The following MACC1 variants were observed in gnomAD, a reference collection of about 807,000 sequenced individuals.
The protein encoded by MACC1 is MET transcriptional regulator MACC1, also known as metastasis-associated in colon cancer protein 1.
A neutral mutation model predicts 70.7 loss-of-function variants in MACC1; 79 were observed. The observed-to-expected ratio is 1.12, with a 90% confidence interval of 0.93 to 1.35. The LOEUF is 1.35. Ranked by LOEUF, MACC1 falls within the 40% of genes most tolerant of loss-of-function variation. The probability of loss-of-function intolerance (pLI) is 0.00; values close to 1 mark genes in which losing one functional copy is unlikely to be tolerated. For missense variants in MACC1, 1,106 were observed against 978.1 expected (o/e 1.13, Z -1.74); for synonymous variants, 361 against 347.2 (o/e 1.04, Z -0.44).
intron 1 of MACC1, among the ~76,000 whole-genome samples, chr7:20,188,738 G>A (rs547897155): frequency 3.9e-5 from 6 of 152,154 alleles, no homozygotes; most frequent in African/African-American, 1.4e-4. Context: ...ACATTCTATT[G>A]CCAAAGTCAC....
chr7:20,172,837 C>T (rs1782329651), intron 1 of MACC1, among the ~76,000 whole-genome samples: 1 of 152,194 alleles, frequency 6.6e-6, no homozygotes, highest in South Asian at 2.1e-4. Flanking sequence ...AGCCTATCTC[C>T]TTGCTGAGAG....
At chr7:20,160,412 T>C (rs1205017851) in intron 4 of MACC1, among the ~76,000 whole-genome samples, 167 bp from the exon 5 acceptor site, 1 of 152,126 alleles carries the variant, frequency 6.6e-6, no homozygotes, top group African/African-American at 2.4e-5. Context: ...TTTGCTCAAA[T>C]TTATATGTAA....
At chr7:20,183,839 C>G (rs933182175) in intron 1 of MACC1, among the ~76,000 whole-genome samples, 19 of 151,744 alleles carry the variant, frequency 1.3e-4, no homozygotes, top group African/African-American at 3.6e-4. Context: ...TCCCAAGTAA[C>G]TGGGATCACA....
chr7:20,187,883 T>C (rs1471720629), intron 1 of MACC1, among the ~76,000 whole-genome samples: 1 of 152,182 alleles, frequency 6.6e-6, no homozygotes, highest in South Asian at 2.1e-4. Flanking sequence ...TCAGAGAGAA[T>C]GAATTAGTCC....
intron 1 of MACC1, among the ~76,000 whole-genome samples, chr7:20,186,910 A>G (rs1782597077): frequency 6.6e-6 from 1 of 152,216 alleles, no homozygotes; most frequent in Admixed American, 6.5e-5. Flanking sequence ...AGAGTATAGT[A>G]AGAAGAAATA....
chr7:20,179,932 G>A (rs1337367658), intron 1 of MACC1, among the ~76,000 whole-genome samples: 5 of 152,188 alleles, frequency 3.3e-5, no homozygotes, highest in Admixed American at 6.5e-5. Context: ...TCTGCTCTAT[G>A]AATTGTCAAC....
At chr7:20,179,024 CTT>C (rs1212811793) in intron 1 of MACC1, among the ~76,000 whole-genome samples, 22 of 152,134 alleles carry the variant, frequency 1.4e-4, no homozygotes, top group Non-Finnish European at 2.6e-4. Context: ...AATGAATACT[CTT>C]TTCTTCAGAT....
In MACC1 at chr7:20,135,706, G is replaced by C. The variant is rs1224542903; in HGVS notation, c.*5240C>G. 1.3e-5 allele frequency: 2 copies of C among 152,206 alleles called. No homozygotes were observed. Among genetic ancestry groups the C allele is most frequent in the Non-Finnish European group, 2.9e-5 (2 of 68,058 alleles). 9.4% of individuals were successfully genotyped at this position (152,206 alleles called of 1,614,324 possible). ...CTGCCGTAATGATTGCCTGGTCTAAGGCCTTGACAATGAGACTGGAGCATG... is the reference window on the plus strand; with the variant it reads ...CTGCCGTAATGATTGCCTGGTCTAACGCCTTGACAATGAGACTGGAGCATG... On this transcript the variant is annotated 3_prime_UTR_variant, in exon 7 of 7. Transcript: ENST00000400331.
intron 3 of MACC1, among the ~76,000 whole-genome samples, chr7:20,163,311 T>C (rs988662436): frequency 5.3e-5 from 8 of 152,210 alleles, no homozygotes; most frequent in African/African-American, 1.9e-4. Context: ...GGAAAGCCTA[T>C]ATACTTGTTG....
rs1427362202 is a variant in MACC1 at position 20,138,858 on chromosome 7, G to C, written c.*2088C>G. On this transcript the variant is annotated 3_prime_UTR_variant, in exon 7 of 7. Transcript: ENST00000400331. ...CGGCTAATTTTTTGTATTTTTAGTA[G>C]AGACGGGGTTTCACCGCGTTAGCCA... The C allele has an allele frequency of 1.3e-5, 2 of 152,116 alleles. No individual in the cohort carries two copies. The highest frequency in any genetic ancestry group is 1.9e-4 in the East Asian group (1 of 5,184). The allele number at this position is 152,116 out of a possible 1,614,324, so 9.4% of individuals were successfully genotyped here.
At chr7:20,185,524 A>G (rs1233958259) in intron 1 of MACC1, among the ~76,000 whole-genome samples, 1 of 152,150 alleles carries the variant, frequency 6.6e-6, no homozygotes, top group East Asian at 1.9e-4. Flanking sequence ...TAATTTATAA[A>G]GAAATATGAA....
chr7:20,208,620 A>G (rs1267057077), intron 1 of MACC1, among the ~76,000 whole-genome samples: 7 of 152,226 alleles, frequency 4.6e-5, no homozygotes, highest in Admixed American at 4.6e-4. Context: ...CAACGCATAA[A>G]AGTTTGGAAA....
At chr7:20,177,288 T>C (rs923941079) in intron 1 of MACC1, among the ~76,000 whole-genome samples, 2 of 152,182 alleles carry the variant, frequency 1.3e-5, no homozygotes, top group African/African-American at 4.8e-5. Flanking sequence ...TCTCTTTGTA[T>C]CTAATTATAT....
At chr7:20,154,016 T>C (rs1296724374) in intron 6 of MACC1, among the ~76,000 whole-genome samples, 177 bp downstream of exon 6, 1 of 152,176 alleles carries the variant, frequency 6.6e-6, no homozygotes, top group African/African-American at 2.4e-5. Context: ...CAATGCCTTT[T>C]AAGAGTGTGT....
At chr7:20,190,584 C>T (rs1192543460) in intron 1 of MACC1, among the ~76,000 whole-genome samples, 1 of 152,174 alleles carries the variant, frequency 6.6e-6, no homozygotes. Context: ...GTTCCCACAG[C>T]CTGCAGAGAT....
intron 1 of MACC1, among the ~76,000 whole-genome samples, chr7:20,199,849 A>G (rs1400611817): frequency 6.6e-6 from 1 of 152,214 alleles, no homozygotes. Flanking sequence ...ATAAATTTAA[A>G]CAATAAAATT....
In MACC1 at chr7:20,171,580, A is replaced by G. The variant is rs563008009; in HGVS notation, c.-217-802T>C. On this transcript the variant is annotated intron_variant, in intron 1 of 6. Coordinates refer to ENST00000400331, the MANE Select transcript of MACC1 (RefSeq NM_182762.4). ...ATTATTTTCTTTCTTAGAGACAATT[A>G]TATCTGTTTTTTTTTTTTTGAGATG... Among the ~76,000 whole-genome samples, 250 of 136,614 alleles carry G rather than the reference A, an allele frequency of 1.8e-3. 2 individuals carry two copies. Among genetic ancestry groups the G allele is most frequent in the Non-Finnish European group, 3.1e-3 (194 of 63,390 alleles). 89.6% of individuals were successfully genotyped at this position (136,614 alleles called of 152,430 possible).
intron 1 of MACC1, among the ~76,000 whole-genome samples, chr7:20,177,686 C>T (rs569969516): frequency 3.4e-5 from 5 of 148,698 alleles, no homozygotes; most frequent in African/African-American, 1.2e-4. Context: ...AATCATGATG[C>T]ATATGCAATT....
chr7:20,210,979 TCTC>T (rs1195580947), intron 1 of MACC1, among the ~76,000 whole-genome samples: 1 of 152,204 alleles, frequency 6.6e-6, no homozygotes. Flanking sequence ...ACTAAATTCT[TCTC>T]AGTACAAATA....
Sources: gnomAD v4.1 joint callset for allele counts (sites outside exome capture counted in the v4.1 genomes callset) on GRCh38, gnomAD v4.1.1 for gene constraint, MANE v1.5 for transcripts, NCBI Gene and HGNC (gene_info 2026-07-23, HGNC 2026-07-21) for gene names.